The following CDC73 variants were observed in gnomAD, a reference collection of about 807,000 sequenced individuals.
CDC73 encodes cell division cycle 73.
Under a neutral mutation model 83.7 loss-of-function variants are expected in CDC73, and 21 were observed. That is an observed-to-expected ratio of 0.25 (90% CI 0.18 to 0.36). The LOEUF is 0.36. CDC73 is among the 10% of genes least tolerant of loss of function. CDC73 has a pLI of 1.00. For synonymous variants in CDC73, 224 were observed against 212.9 expected, an observed-to-expected ratio of 1.05 and a Z score of -0.45; for missense variants, 342 against 653.3, an observed-to-expected ratio of 0.52 and a Z score of 5.19.
At chr1:193,199,007 A>G (rs765428557) in intron 10 of CDC73, among the ~76,000 whole-genome samples, 2 of 152,188 alleles carry the variant, frequency 1.3e-5, no homozygotes, top group Non-Finnish European at 2.9e-5. Context: ...AAAGAAAGAT[A>G]AATTTATTTT....
intron 14 of CDC73, among the ~76,000 whole-genome samples, chr1:193,235,530 T>G (rs919943605): frequency 6.6e-6 from 1 of 152,224 alleles, no homozygotes; most frequent in African/African-American, 2.4e-5. Context: ...TTTAACTGTT[T>G]ATGGCAGTAC....
At chr1:193,249,629 C>T in intron 15 of CDC73, 101 bp from the exon 16 acceptor site, 1 of 846,694 alleles carries the variant, frequency 1.2e-6, no homozygotes, top group Non-Finnish European at 1.9e-6. Context: ...TTTAAAAGAT[C>T]ACTTTAGTTA....
chr1:193,186,954 T>C (rs1676820607), intron 10 of CDC73, among the ~76,000 whole-genome samples: 2 of 152,274 alleles, frequency 1.3e-5, no homozygotes, highest in South Asian at 4.1e-4. Flanking sequence ...GTATAAGCTT[T>C]TGTGTGTAAG....
In CDC73 at chr1:193,250,747, T is replaced by A; in HGVS notation, c.*35T>A. 6.4e-7 allele frequency: 1 copy of A among 1,557,308 alleles called. No homozygotes were observed. The highest frequency in any genetic ancestry group is 8.9e-7 in the Non-Finnish European group (1 of 1,129,000). ...CTCCTCCATTTCTGGAAATTGAGAC[T>A]CAAGCTTTATGAATTTATCAAGAAC... On this transcript the variant is annotated 3_prime_UTR_variant, in exon 17 of 17. Coordinates refer to ENST00000367435, the MANE Select transcript of CDC73 (RefSeq NM_024529.5).
chr1:193,174,105 C>G (rs1431114980), intron 10 of CDC73, among the ~76,000 whole-genome samples: 3 of 151,224 alleles, frequency 2.0e-5, no homozygotes, highest in African/African-American at 7.3e-5. Context: ...ATTCCATGCT[C>G]TAAAGGGGCA....
intron 13 of CDC73, among the ~76,000 whole-genome samples, chr1:193,217,401 T>C (rs958144821): frequency 1.3e-5 from 2 of 152,048 alleles, no homozygotes; most frequent in Non-Finnish European, 2.9e-5. Context: ...ACATGTAGGC[T>C]TGGAGAATGA....
At chr1:193,249,581 T>A in intron 15 of CDC73, 149 bp from the exon 16 acceptor site, 1 of 641,084 alleles carries the variant, frequency 1.6e-6, no homozygotes, top group Non-Finnish European at 2.7e-6. Context: ...GTCCAGTGGC[T>A]GGCGTGTATA....
chr1:193,137,314 G>A (rs1302506515), intron 5 of CDC73, among the ~76,000 whole-genome samples: 1 of 152,138 alleles, frequency 6.6e-6, no homozygotes, highest in African/African-American at 2.4e-5. Flanking sequence ...ACATGAATTG[G>A]AGCCCAACAT....
chr1:193,252,633 A>G lies in CDC73; in HGVS notation c.*1921A>G, dbSNP rs970557742. 5.2e-5 allele frequency: 12 copies of G among 231,468 alleles called. No individual in the cohort carries two copies. The highest frequency in any genetic ancestry group is 1.1e-4 in the African/African-American group (5 of 45,268). The allele number at this position is 231,468 out of a possible 1,614,324, so 14.3% of individuals were successfully genotyped here. ...AAGGACAAATAGGCTATAACCATCT[A>G]TCTTAAAATCAGACCCTTAGTATAA... On this transcript the variant is annotated 3_prime_UTR_variant, in exon 17 of 17. Transcript: ENST00000367435.
At chr1:193,195,858 TTTG>T (rs1055262500) in intron 10 of CDC73, among the ~76,000 whole-genome samples, 5 of 152,140 alleles carry the variant, frequency 3.3e-5, no homozygotes, top group Non-Finnish European at 7.4e-5. Context: ...TGGTTTGTGT[TTTG>T]TTGTTGTTGA....
At chr1:193,242,276 G>T (rs569153808) in intron 15 of CDC73, among the ~76,000 whole-genome samples, 1 of 152,302 alleles carries the variant, frequency 6.6e-6, no homozygotes, top group South Asian at 2.1e-4. Context: ...CCTATCTGGA[G>T]CATCTTGTGG....
At chr1:193,229,971 T>C (rs1191784466) in intron 13 of CDC73, among the ~76,000 whole-genome samples, 1 of 152,160 alleles carries the variant, frequency 6.6e-6, no homozygotes, top group Admixed American at 6.5e-5. Context: ...TTGATTGGAA[T>C]GGTGCTTATA....
At chr1:193,224,843 TTAAAGA>T (rs1424700983) in intron 13 of CDC73, among the ~76,000 whole-genome samples, 6 of 152,150 alleles carry the variant, frequency 3.9e-5, no homozygotes, top group Admixed American at 1.3e-4. Flanking sequence ...TTCTATTGTT[TTAAAGA>T]TTTATTATGT....
At chr1:193,217,861 T>C (rs927242461) in intron 13 of CDC73, among the ~76,000 whole-genome samples, 4 of 152,118 alleles carry the variant, frequency 2.6e-5, no homozygotes, top group African/African-American at 4.8e-5. Flanking sequence ...AAAGGGACCA[T>C]GCTCTTGCCT....
Position 193,251,130 on chromosome 1 carries a change from C to T in CDC73, c.*418C>T. The T allele has an allele frequency of 3.9e-6, 1 of 253,292 alleles. No homozygotes were observed. Among genetic ancestry groups the T allele is most frequent in the East Asian group, 5.7e-5 (1 of 17,638 alleles). 15.7% of individuals were successfully genotyped at this position (253,292 alleles called of 1,614,324 possible). A position where few individuals can be genotyped will look rare whatever the true frequency, so the allele number is the denominator to read the frequency against. On this transcript the variant is annotated 3_prime_UTR_variant, in exon 17 of 17. Coordinates refer to ENST00000367435, the MANE Select transcript of CDC73 (RefSeq NM_024529.5). ...TGGTATTAAATTTTAGTCTCTGGAACATCCAAAACCAAGCAAAGGGATGTG... is the reference window on the plus strand; with the variant it reads ...TGGTATTAAATTTTAGTCTCTGGAATATCCAAAACCAAGCAAAGGGATGTG...
Position 193,253,774 on chromosome 1 carries a change from G to A in CDC73, c.*3062G>A, listed in dbSNP as rs551321945. 30 of 230,288 alleles carry A rather than the reference G, an allele frequency of 1.3e-4. No individual in the cohort carries two copies. The South Asian group carries it at 5.3e-3, about 41-fold the overall frequency. The allele number at this position is 230,288 out of a possible 1,614,324, so 14.3% of individuals were successfully genotyped here. ...TACAGTTTGCTTATGAAAGGAAAGT[G>A]GCATACTTTTAAATTGGTCTACACA... On this transcript the variant is annotated 3_prime_UTR_variant, in exon 17 of 17. Coordinates refer to ENST00000367435, the MANE Select transcript of CDC73 (RefSeq NM_024529.5).
In CDC73 at chr1:193,159,642, G is replaced by A. The variant is rs1046334272; in HGVS notation, c.972+7198G>A. 8.5e-5 allele frequency among the ~76,000 whole-genome samples: 13 copies of A among 152,134 alleles called. 1 individual carries two copies. Among genetic ancestry groups the A allele is most frequent in the African/African-American group, 2.4e-5 (1 of 41,424 alleles). On this transcript the variant is annotated intron_variant, in intron 10 of 16. Coordinates refer to ENST00000367435, the MANE Select transcript of CDC73 (RefSeq NM_024529.5). ...CTCCCAAAGTGCTTGGATTACAGGC[G>A]TGAGCCACCGTGCCCGGCCTCCTTT...
At chr1:193,144,894 T>A (rs187290706) in intron 7 of CDC73, among the ~76,000 whole-genome samples, 1 of 151,986 alleles carries the variant, frequency 6.6e-6, no homozygotes, top group African/African-American at 2.4e-5. Context: ...TTGCCAATGA[T>A]AAAATGACAG....
At chr1:193,237,745 T>C (rs968545629) in intron 15 of CDC73, among the ~76,000 whole-genome samples, 3 of 152,128 alleles carry the variant, frequency 2.0e-5, no homozygotes, top group African/African-American at 7.2e-5. Flanking sequence ...TGTGACTCTT[T>C]ACGGCATCCT....
Sources: gnomAD v4.1 joint callset for allele counts (sites outside exome capture counted in the v4.1 genomes callset) on GRCh38, gnomAD v4.1.1 for gene constraint, MANE v1.5 for transcripts, NCBI Gene and HGNC (gene_info 2026-07-23, HGNC 2026-07-21) for gene names.